The following ABLIM1 variants were observed in gnomAD, a reference collection of about 807,000 sequenced individuals.
ABLIM1 encodes the protein actin-binding LIM protein 1.
In ABLIM1, 40 loss-of-function variants were observed where a neutral mutation model predicts 107.0. That is an observed-to-expected ratio of 0.37 (90% CI 0.29 to 0.49). The LOEUF is 0.49. Among genes scored for constraint, ABLIM1 ranks in the 20% least tolerant of loss-of-function variants. The pLI, the probability that ABLIM1 is intolerant of heterozygous loss-of-function variation, is 0.97. For synonymous variants in ABLIM1, 357 were observed against 357.3 expected (o/e 1.00, Z 0.01); for missense variants, 857 against 1,008.5 (o/e 0.85, Z 2.04).
intron 6 of ABLIM1, among the ~76,000 whole-genome samples, chr10:114,500,694 A>T (rs2060274068): frequency 1.4e-5 from 2 of 147,734 alleles, no homozygotes; most frequent in South Asian, 2.2e-4. Context: ...AAAAAAAAAA[A>T]AAAAAAAGAA....
chr10:114,605,793 A>C (rs1235069503), intron 1 of ABLIM1, among the ~76,000 whole-genome samples: 2 of 152,178 alleles, frequency 1.3e-5, no homozygotes, highest in Non-Finnish European at 2.9e-5. Flanking sequence ...CTCACTACTC[A>C]GCTAAAGCAG....
Position 114,753,668 on chromosome 10 carries a change from T to C in ABLIM1, c.-213+14393A>G, listed in dbSNP as rs146579651. ...TAAATGGATTCATTTTCTACTTACA[T>C]TGTATATTCATAACTTTTCTGTACA... On this transcript the variant is annotated intron_variant, in intron 1 of 15. Transcript: ENST00000651092. 2.6e-5 allele frequency among the ~76,000 whole-genome samples: 4 copies of C among 152,314 alleles called. No homozygotes were observed. In the East Asian group the frequency reaches 5.8e-4, roughly 22 times the overall value.
At chr10:114,525,336 G>C (rs533573905) in intron 6 of ABLIM1, among the ~76,000 whole-genome samples, 12 of 152,318 alleles carry the variant, frequency 7.9e-5, no homozygotes, top group Admixed American at 2.0e-4. Flanking sequence ...TTTAGTTGAA[G>C]AGAAAAATCT....
At chr10:114,559,379 G>A (rs916914392) in intron 4 of ABLIM1, among the ~76,000 whole-genome samples, 21 of 133,458 alleles carry the variant, frequency 1.6e-4, no homozygotes, top group Non-Finnish European at 2.5e-4. Context: ...GAGGTGGGAG[G>A]ATTACTTGAG....
chr10:114,552,526 A>C (rs1283395390), intron 4 of ABLIM1, among the ~76,000 whole-genome samples: 1 of 151,652 alleles, frequency 6.6e-6, no homozygotes, highest in African/African-American at 2.4e-5. Context: ...GCCTGACCTT[A>C]AACACTTGAC....
chr10:114,612,715 T>G (rs1220248559), intron 1 of ABLIM1, among the ~76,000 whole-genome samples: 4 of 152,226 alleles, frequency 2.6e-5, no homozygotes, highest in Admixed American at 2.6e-4. Context: ...GTCTAAACTC[T>G]GCCGGCAGAA....
intron 1 of ABLIM1, among the ~76,000 whole-genome samples, chr10:114,655,392 T>C (rs1400689305): frequency 1.3e-5 from 2 of 152,212 alleles, no homozygotes; most frequent in Non-Finnish European, 2.9e-5. Flanking sequence ...AACTACAGCT[T>C]ACCTGGCTTC....
At chr10:114,545,166 A>G in intron 5 of ABLIM1, 68 bp from the exon 6 acceptor site, 2 of 1,403,970 alleles carry the variant, frequency 1.4e-6, no homozygotes, top group Non-Finnish European at 2.0e-6. Flanking sequence ...CCAAAACCAC[A>G]TTTCTCCAAG....
At chr10:114,701,526 A>C (rs570288932) in intron 1 of ABLIM1, among the ~76,000 whole-genome samples, 1 of 152,292 alleles carries the variant, frequency 6.6e-6, no homozygotes, top group African/African-American at 2.4e-5. Flanking sequence ...AATGTCCATC[A>C]ATAGAATGGA....
At chr10:114,444,768 T>A (rs901106309) in intron 16 of ABLIM1, among the ~76,000 whole-genome samples, 4 of 152,208 alleles carry the variant, frequency 2.6e-5, no homozygotes, top group Non-Finnish European at 5.9e-5. Flanking sequence ...TCTTGACTGA[T>A]AACAGACTGT....
intron 1 of ABLIM1, among the ~76,000 whole-genome samples, chr10:114,604,008 G>GT (rs1312710219): frequency 6.6e-6 from 1 of 151,412 alleles, no homozygotes; most frequent in African/African-American, 2.4e-5. Flanking sequence ...AAGTCCTTGT[G>GT]TTTTTTAAGT....
intron 1 of ABLIM1, among the ~76,000 whole-genome samples, chr10:114,625,967 TAAC>T (rs1172207214): frequency 6.6e-6 from 1 of 152,150 alleles, no homozygotes; most frequent in African/African-American, 2.4e-5. Context: ...GATTTAATAA[TAAC>T]ATTAAAATGA....
At chr10:114,675,068 A>T (rs2080422346) in intron 1 of ABLIM1, among the ~76,000 whole-genome samples, 1 of 152,136 alleles carries the variant, frequency 6.6e-6, no homozygotes. Context: ...CTGAGATGGA[A>T]TATCTTGCCC....
chr10:114,780,336 A>T, the ABLIM1 span, among the ~76,000 whole-genome samples: 2,003 of 152,296 alleles, frequency 0.013, 36 homozygotes, highest in African/African-American at 0.038. Flanking sequence ...TAAAGATCTT[A>T]ATAGGCTTTT....
In ABLIM1 at chr10:114,630,567, C is replaced by T. The variant is rs142132576; in HGVS notation, c.244+27390G>A. ...CTTTTGTCCTGAGGTGCAGCCTTTA[C>T]ACTGTTAAGCTCTCAGGATCCTGTA... is the stretch of plus-strand genomic sequence containing the variant. On this transcript the variant is annotated intron_variant, in intron 1 of 22. Coordinates refer to ENST00000533213, the MANE Select transcript of ABLIM1 (RefSeq NM_002313.7). 5.3e-5 allele frequency among the ~76,000 whole-genome samples: 8 copies of T among 152,300 alleles called. No homozygotes were observed. In the East Asian group the frequency reaches 1.4e-3, roughly 26 times the overall value.
intron 1 of ABLIM1, among the ~76,000 whole-genome samples, chr10:114,614,914 G>A (rs968509763): frequency 6.6e-6 from 1 of 151,890 alleles, no homozygotes; most frequent in African/African-American, 2.4e-5. Context: ...GCCAGGTGTG[G>A]TGGTGCGCAC....
chr10:114,689,541 T>A (rs2141687615), upstream of ABLIM1, among the ~76,000 whole-genome samples: 1 of 152,030 alleles, frequency 6.6e-6, no homozygotes, highest in Admixed American at 6.5e-5. Flanking sequence ...TTTGTATTTT[T>A]ATTAGCGACG....
At chr10:114,593,079 G>A (rs528876246) in intron 2 of ABLIM1, among the ~76,000 whole-genome samples, 17 of 151,600 alleles carry the variant, frequency 1.1e-4, no homozygotes, top group African/African-American at 3.6e-4. Flanking sequence ...AGAAGAACCA[G>A]CAATATAAGT....
chr10:114,471,500 T>A (rs779056152), intron 10 of ABLIM1, among the ~76,000 whole-genome samples: 1 of 152,142 alleles, frequency 6.6e-6, no homozygotes, highest in South Asian at 2.1e-4. Flanking sequence ...CCCGGGCCAA[T>A]GCACCTGCGC....
Sources: gnomAD v4.1 joint callset for allele counts (sites outside exome capture counted in the v4.1 genomes callset) on GRCh38, gnomAD v4.1.1 for gene constraint, MANE v1.5 for transcripts, NCBI Gene and HGNC (gene_info 2026-07-23, HGNC 2026-07-21) for gene names.